Variants in SPPL2B observed in about 807,000 individuals in gnomAD.
The protein encoded by SPPL2B is signal peptide peptidase-like 2B.
A neutral mutation model predicts 59.7 loss-of-function variants in SPPL2B; 39 were observed. The ratio of observed to expected loss-of-function variants is 0.65; its 90% confidence interval spans 0.51 to 0.85. SPPL2B has a LOEUF of 0.85. Ranked by LOEUF, SPPL2B falls within the 40% of genes least tolerant of loss-of-function variation. SPPL2B has a pLI of 0.00. For synonymous variants in SPPL2B, 419 were observed against 370.8 expected, an observed-to-expected ratio of 1.13 and a Z score of -1.49; for missense variants, 865 against 849.0, an observed-to-expected ratio of 1.02 and a Z score of -0.23.
chr19:2,353,567 C>T lies in SPPL2B; in HGVS notation c.*358C>T, dbSNP rs987079349. On this transcript the variant is annotated 3_prime_UTR_variant, in exon 15 of 15. Coordinates refer to ENST00000613503, the MANE Select transcript of SPPL2B (RefSeq NM_152988.3). ...TGGGTGGACTCTGGCCGCGGCCACA[C>T]TTGGTGCTCACCAGCTGCTTCGGCC... 6 of 260,036 alleles carry T rather than the reference C, an allele frequency of 2.3e-5. No individual in the cohort carries two copies. In the Middle Eastern group the frequency reaches 3.7e-3, roughly 159 times the overall value. The allele number at this position is 260,036 out of a possible 1,614,324, so 16.1% of individuals were successfully genotyped here.
At position 2,328,783 on chromosome 19, in the gene SPPL2B, C is replaced by T. The variant is rs1968121232; in HGVS notation, c.66+8C>T. 7.0e-7 allele frequency: 1 copy of T among 1,419,038 alleles called. No homozygotes were observed. Among genetic ancestry groups the T allele is most frequent in the East Asian group, 3.0e-5 (1 of 33,852 alleles). The allele number at this position is 1,419,038 out of a possible 1,614,324, so 87.9% of individuals were successfully genotyped here. On this transcript the variant is annotated splice_region_variant and intron_variant, in intron 1 of 14. Coordinates refer to ENST00000613503, the MANE Select transcript of SPPL2B (RefSeq NM_152988.3). Reference sequence around the variant, plus strand: ...CTGCTCCTCGCGGCCCAGGTGAGCGCGGCACCGGTCCCGACGGCACCGCGG... The same window carrying T: ...CTGCTCCTCGCGGCCCAGGTGAGCGTGGCACCGGTCCCGACGGCACCGCGG...
chr19:2,338,221 G>C (rs1288091545), intron 3 of SPPL2B: 2 of 154,962 alleles, frequency 1.3e-5, no homozygotes, highest in Non-Finnish European at 2.9e-5. Flanking sequence ...TGGAGTTCAG[G>C]AATTCCCTCA....
At chr19:2,352,412 G>A (rs1435535630) in intron 14 of SPPL2B, among the ~76,000 whole-genome samples, 1 of 152,194 alleles carries the variant, frequency 6.6e-6, no homozygotes, top group East Asian at 1.9e-4. Flanking sequence ...AGCGGTGCTG[G>A]CCGCGCATGG....
chr19:2,339,141 A>G lies in SPPL2B; in HGVS notation c.532A>G (p.Ile178Val). Residue 178 changes from isoleucine to valine, a missense_variant, in exon 5 of 15, where the codon ATC becomes GTC. Physicochemically the swap from Ile to Val is conservative, Grantham distance 29. Transcript: ENST00000613503. ...EPVLDYNMVI[I>V]FIMAVGTVAI... is the part of the protein sequence containing the mutation. ...GGTGCTGGACTACAACATGGTCATC[A>G]TCTTCATCATGGCTGTGGGCACCGT... is the stretch of plus-strand genomic sequence containing the variant. 6.3e-7 allele frequency: 1 copy of G among 1,596,480 alleles called. No homozygotes were observed. Among genetic ancestry groups the G allele is most frequent in the South Asian group, 1.1e-5 (1 of 88,364 alleles).
rs1968327646 is a variant in SPPL2B, at chr19:2,332,262, G to A, written c.67-2340G>A. Among the ~76,000 whole-genome samples the A allele has an allele frequency of 6.6e-6, 1 of 152,180 alleles. No homozygotes were observed. The highest frequency in any genetic ancestry group is 2.4e-5 in the African/African-American group (1 of 41,448). On this transcript the variant is annotated intron_variant, in intron 1 of 14. Transcript: ENST00000613503. The surrounding 1 kb of genome is among the most constrained non-coding windows in gnomAD (Gnocchi z 4.6). Reference sequence around the variant, plus strand: ...GCCACCCCGAGGTCACCAGGGCCTTGACCCAGATGCTCCCAGACCAGGCCG... The same window carrying A: ...GCCACCCCGAGGTCACCAGGGCCTTAACCCAGATGCTCCCAGACCAGGCCG...
At chr19:2,341,818 G>C (rs1969076330) in intron 8 of SPPL2B, 1 of 349,870 alleles carries the variant, frequency 2.9e-6, no homozygotes, top group Admixed American at 3.6e-5. Context: ...GCCTCAGTCA[G>C]CTGGGCGCAG....
At chr19:2,343,939 G>C in intron 9 of SPPL2B, 26 bp from the exon 10 acceptor site, 1 of 1,536,116 alleles carries the variant, frequency 6.5e-7, no homozygotes. Context: ...CGGGGTGGGG[G>C]CCGCCCTCAG....
intron 13 of SPPL2B, among the ~76,000 whole-genome samples, chr19:2,349,713 T>C (rs1262670785): frequency 4.4e-5 from 5 of 114,224 alleles, no homozygotes; most frequent in East Asian, 2.8e-4. Context: ...CACACACTCG[T>C]GTTCTCATTC....
chr19:2,345,137 C>T lies in SPPL2B; in HGVS notation c.1277-116C>T, dbSNP rs559818291. 257 of 731,054 alleles carry T rather than the reference C, an allele frequency of 3.5e-4. 5 individuals are homozygous for T. In the South Asian group the frequency reaches 4.2e-3, roughly 12 times the overall value. 45.3% of individuals were successfully genotyped at this position (731,054 alleles called of 1,614,324 possible). On this transcript the variant is annotated intron_variant, in intron 12 of 14. Coordinates refer to ENST00000613503, the MANE Select transcript of SPPL2B (RefSeq NM_152988.3). ...CTGTCTGTGAAATGACAGCAGCCAC[C>T]AGGCAGCGAGAGGCCCACGGCGCCC... is the stretch of plus-strand genomic sequence containing the variant.
At chr19:2,335,424 C>T (rs1171561845) in intron 2 of SPPL2B, among the ~76,000 whole-genome samples, 1 of 142,280 alleles carries the variant, frequency 7.0e-6, no homozygotes, top group Non-Finnish European at 1.5e-5. Flanking sequence ...TCAGGCCCCG[C>T]CTCCTTTCCC....
In SPPL2B at chr19:2,339,226, C is replaced by T. The variant is rs113275350; in HGVS notation, c.599+18C>T. ...GTGAAGAAGTGAGTTTCGCATCGTG[C>T]GTGTGCTGTGACGGGGTCGGGCGGC... is the stretch of plus-strand genomic sequence containing the variant. On this transcript the variant is annotated intron_variant, in intron 5 of 14. Coordinates refer to ENST00000613503, the MANE Select transcript of SPPL2B (RefSeq NM_152988.3). 1,513 of 1,598,388 alleles carry T rather than the reference C, an allele frequency of 9.5e-4. 8 individuals carry two copies. The African/African-American group carries it at 0.015, about 15-fold the overall frequency.
At chr19:2,349,183 C>T (rs1360732093) in intron 13 of SPPL2B, among the ~76,000 whole-genome samples, 1 of 17,178 alleles carries the variant, frequency 5.8e-5, no homozygotes. Flanking sequence ...CACACTCACG[C>T]GCTGTCATTC....
intron 13 of SPPL2B, among the ~76,000 whole-genome samples, chr19:2,349,365 C>T (rs1969739280): frequency 9.3e-6 from 1 of 107,644 alleles, no homozygotes; most frequent in South Asian, 3.7e-4. Flanking sequence ...CTCGTGTTCT[C>T]ATTCGCCTGA....
intron 2 of SPPL2B, among the ~76,000 whole-genome samples, chr19:2,336,644 CGTGT>C (rs542453426): frequency 9.1e-5 from 13 of 143,554 alleles, no homozygotes; most frequent in African/African-American, 3.4e-4. Flanking sequence ...GCTGTGTGTG[CGTGT>C]GTGTGTGCAT....
intron 12 of SPPL2B, among the ~76,000 whole-genome samples, chr19:2,344,977 A>G (rs1293476806): frequency 6.6e-6 from 1 of 152,098 alleles, no homozygotes; most frequent in Non-Finnish European, 1.5e-5. Flanking sequence ...TTGCTGCAGA[A>G]GGCAGAGACT....
Position 2,347,991 on chromosome 19 carries a change from C to T in SPPL2B, c.1354+2661C>T, listed in dbSNP as rs527879113. Among the ~76,000 whole-genome samples, 339 of 71,912 alleles carry T rather than the reference C, an allele frequency of 4.7e-3. 5 individuals carry two copies. The highest frequency in any genetic ancestry group is 0.02 in the African/African-American group (306 of 15,552). 47.2% of individuals were successfully genotyped at this position (71,912 alleles called of 152,430 possible). On this transcript the variant is annotated intron_variant, in intron 13 of 14. Transcript: ENST00000613503. ...GCGGTTCTCTCTCCACACACACACT[C>T]ACGCGCTCTCATTTGCCTGATTCCG...
intron 13 of SPPL2B, among the ~76,000 whole-genome samples, chr19:2,350,148 C>CCA (rs1181763011): frequency 2.1e-5 from 3 of 141,682 alleles, no homozygotes; most frequent in African/African-American, 5.5e-5. Context: ...TTCTCTCTCT[C>CCA]CACACACACT....
At chr19:2,350,087 ACT>A (rs1444206571) in intron 13 of SPPL2B, among the ~76,000 whole-genome samples, 64 of 109,532 alleles carry the variant, frequency 5.8e-4, no homozygotes, top group Admixed American at 2.9e-3. Flanking sequence ...CATTCGCTTG[ACT>A]CTGTTCTCTC....
chr19:2,343,159 C>A, intron 8 of SPPL2B, 52 bp from the exon 9 acceptor site: 1 of 1,470,120 alleles, frequency 6.8e-7, no homozygotes, highest in South Asian at 1.2e-5. Context: ...AGGCGGCGTC[C>A]TGGGTGGTCA....
Sources: allele counts gnomAD v4.1 joint callset (sites outside exome capture counted in the v4.1 genomes callset), GRCh38; gene constraint gnomAD v4.1.1; non-coding constraint Gnocchi (gnomAD v3.1); transcripts MANE v1.5; gene names NCBI Gene and HGNC (gene_info 2026-07-23, HGNC 2026-07-21).